The following TRPC4AP variants were observed in gnomAD, a reference collection of about 807,000 sequenced individuals.
TRPC4AP encodes the protein transient receptor potential cation channel subfamily C member 4 associated protein, also known as short transient receptor potential channel 4-associated protein.
A neutral mutation model predicts 99.0 loss-of-function variants in TRPC4AP; 45 were observed. The ratio of observed to expected loss-of-function variants is 0.45; its 90% CI spans 0.36 to 0.58. TRPC4AP has a LOEUF of 0.58. Among genes scored for constraint, TRPC4AP ranks in the 20% least tolerant of loss-of-function variants. The probability of loss-of-function intolerance (pLI) is 0.00; values close to 1 mark genes in which losing one functional copy is unlikely to be tolerated. For missense variants in TRPC4AP, 879 were observed against 985.3 expected, an observed-to-expected ratio of 0.89 and a Z score of 1.44; for synonymous variants, 408 against 385.8, an observed-to-expected ratio of 1.06 and a Z score of -0.67.
At position 35,035,259 on chromosome 20, in the gene TRPC4AP, C is replaced by T. The variant is rs142266561; in HGVS notation, c.915G>A (p.Ala305=). 166 of 1,614,028 alleles carry T rather than the reference C, an allele frequency of 1.0e-4. 2 individuals carry two copies. The highest frequency in any genetic ancestry group is 1.8e-4 in the South Asian group (16 of 91,044). Residue 305 remains alanine, a synonymous_variant, in exon 8 of 19, where the codon GCG becomes GCA. Coordinates refer to ENST00000252015, the MANE Select transcript of TRPC4AP (RefSeq NM_015638.3). ...CCGTTGACTCTGACACCTTTCGAGT[C>T]GCCAGTTTGCAAAGCCGCTCAACAA... ...PGFVERLCKL[A]TRKVSESTGT... is the part of the protein sequence containing the mutation.
At chr20:35,072,617 C>T (rs1600644681) in intron 2 of TRPC4AP, among the ~76,000 whole-genome samples, 1 of 152,106 alleles carries the variant, frequency 6.6e-6, no homozygotes, top group Non-Finnish European at 1.5e-5. Flanking sequence ...TTTCTGAGGG[C>T]TCTGTTCTGT....
At chr20:35,059,899 AGAAGAC>A (rs1261795175) in intron 3 of TRPC4AP, among the ~76,000 whole-genome samples, 6 of 48,442 alleles carry the variant, frequency 1.2e-4, no homozygotes, top group Admixed American at 4.2e-4. Context: ...ATGAAGATGA[AGAAGAC>A]GAAGACGAAG....
At chr20:35,023,325 G>A (rs1416185051) in intron 8 of TRPC4AP, among the ~76,000 whole-genome samples, 1 of 152,158 alleles carries the variant, frequency 6.6e-6, no homozygotes, top group Non-Finnish European at 1.5e-5. Flanking sequence ...ATGTTGTAAG[G>A]AGTAGAGGGA....
Position 35,004,488 on chromosome 20 carries a change from G to T in TRPC4AP, c.2019C>A (p.Ile673=), listed in dbSNP as rs542105264. The stretch of plus-strand genomic sequence containing the variant: ...TCAGCGTCTGCACGTGGATGATGTT[G>T]ATGAGGCGGAAGAGGAAGGACATCT... ...PTQMSFLFRL[I]NIIHVQTLTQ... The change falls in exon 17 of 19, where the codon ATC becomes ATA. Residue 673 remains isoleucine, a synonymous_variant. Transcript: ENST00000252015. 1 of 1,614,058 alleles carries T rather than the reference G, an allele frequency of 6.2e-7. No homozygotes were observed. The highest frequency in any genetic ancestry group is 2.2e-5 in the East Asian group (1 of 44,876).
At chr20:35,077,002 T>C (rs1041194858) in intron 2 of TRPC4AP, among the ~76,000 whole-genome samples, 1 of 152,174 alleles carries the variant, frequency 6.6e-6, no homozygotes, top group African/African-American at 2.4e-5. Context: ...ACCTTGCAGT[T>C]TGATCTCAGA....
intron 3 of TRPC4AP, among the ~76,000 whole-genome samples, chr20:35,065,223 A>G (rs2084112567): frequency 6.6e-6 from 1 of 152,232 alleles, no homozygotes; most frequent in Admixed American, 6.5e-5. Flanking sequence ...ATTTTTACCT[A>G]CAAATCTAGA....
Position 35,002,968 on chromosome 20 carries a change from G to T in TRPC4AP, c.*178C>A. The T allele has an allele frequency of 1.3e-6, 1 of 767,690 alleles. No individual in the cohort carries two copies. Among genetic ancestry groups the T allele is most frequent in the Non-Finnish European group, 2.1e-6 (1 of 486,726 alleles). 47.6% of individuals were successfully genotyped at this position (767,690 alleles called of 1,614,324 possible). ...GGGGACTGAGGCTCTCCATGACCTA[G>T]GGCCCTCAGACCCAGGGGGACCAAG... On this transcript the variant is annotated 3_prime_UTR_variant, in exon 19 of 19. Transcript: ENST00000252015.
intron 9 of TRPC4AP, 133 bp from the exon 10 acceptor site, chr20:35,016,272 G>A: frequency 9.5e-7 from 1 of 1,054,044 alleles, no homozygotes; most frequent in Non-Finnish European, 1.4e-6. Context: ...GCCAGGGTCT[G>A]AAGAAAACAT....
chr20:35,086,831 G>C (rs560064920), intron 1 of TRPC4AP, among the ~76,000 whole-genome samples: 3 of 151,814 alleles, frequency 2.0e-5, no homozygotes, highest in African/African-American at 7.3e-5. Context: ...TCAAGAGTTT[G>C]AGACCAGCCT....
At chr20:35,024,825 C>CAAAAAAAAA (rs778161091) in intron 8 of TRPC4AP, among the ~76,000 whole-genome samples, 1 of 35,882 alleles carries the variant, frequency 2.8e-5, no homozygotes, top group Non-Finnish European at 5.0e-5. Flanking sequence ...GAGACCGTCT[C>CAAAAAAAAA]AAAAAAAAAA....
intron 11 of TRPC4AP, among the ~76,000 whole-genome samples, chr20:35,012,271 T>A (rs2082655924): frequency 6.6e-6 from 1 of 152,264 alleles, no homozygotes; most frequent in African/African-American, 2.4e-5. Flanking sequence ...GCAAGGTTTT[T>A]AAAATATTTA....
chr20:35,045,915 CA>C (rs1478359060), intron 6 of TRPC4AP, among the ~76,000 whole-genome samples: 1 of 152,180 alleles, frequency 6.6e-6, no homozygotes, highest in East Asian at 1.9e-4. Flanking sequence ...GCAATCCTCC[CA>C]CCTTGGCCTC....
intron 1 of TRPC4AP, among the ~76,000 whole-genome samples, chr20:35,079,244 C>T (rs2084562385): frequency 6.6e-6 from 1 of 152,050 alleles, no homozygotes; most frequent in African/African-American, 2.4e-5. Flanking sequence ...CATATATGCA[C>T]CTAACAACAG....
At chr20:35,089,800 T>C (rs2084994354) in intron 1 of TRPC4AP, among the ~76,000 whole-genome samples, 1 of 151,878 alleles carries the variant, frequency 6.6e-6, no homozygotes, top group Non-Finnish European at 1.5e-5. Flanking sequence ...GAACCGAGAT[T>C]GCGCCACTGC....
chr20:35,040,143 G>A (rs1039490119), intron 7 of TRPC4AP, among the ~76,000 whole-genome samples: 1 of 149,724 alleles, frequency 6.7e-6, no homozygotes, highest in African/African-American at 2.4e-5. Context: ...ACTGCGTTTT[G>A]AAACAGGCCC....
chr20:35,016,290 T>A lies in TRPC4AP; in HGVS notation c.1219-151A>T, dbSNP rs535290514. The A allele has an allele frequency of 3.2e-5, 28 of 875,630 alleles. 1 individual carries two copies. In the East Asian group the frequency reaches 7.1e-4, roughly 22 times the overall value. 54.2% of individuals were successfully genotyped at this position (875,630 alleles called of 1,614,324 possible). A position where few individuals can be genotyped will look rare whatever the true frequency, so the allele number is the denominator to read the frequency against. The stretch of plus-strand genomic sequence containing the variant: ...AGGGTCTGAAGAAAACATCCGTGTA[T>A]CCCCTATGCCCAGCACACACAAACC... On this transcript the variant is annotated intron_variant, in intron 9 of 18. Transcript: ENST00000252015.
intron 11 of TRPC4AP, among the ~76,000 whole-genome samples, chr20:35,012,407 G>C (rs1159309167): frequency 6.6e-6 from 1 of 152,238 alleles, no homozygotes. Flanking sequence ...CTGGAGCTGA[G>C]CTCACTGAAA....
chr20:35,035,351 C>G, intron 7 of TRPC4AP, 43 bp from the exon 8 acceptor site: 1 of 1,588,078 alleles, frequency 6.3e-7, no homozygotes, highest in Middle Eastern at 1.7e-4. Flanking sequence ...AAAATAGAGA[C>G]CAGCAAAACT....
At chr20:35,087,702 A>G (rs1347246095) in intron 1 of TRPC4AP, among the ~76,000 whole-genome samples, 1 of 152,230 alleles carries the variant, frequency 6.6e-6, no homozygotes, top group East Asian at 1.9e-4. Flanking sequence ...ATAAGATCTG[A>G]TTTGCATTAA....
Sources: allele counts gnomAD v4.1 joint callset (sites outside exome capture counted in the v4.1 genomes callset), GRCh38; gene constraint gnomAD v4.1.1; transcripts MANE v1.5; gene names NCBI Gene and HGNC (gene_info 2026-07-23, HGNC 2026-07-21).